The following MBD5 variants were observed in gnomAD, a reference collection of about 807,000 sequenced individuals.
MBD5 encodes the protein methyl-CpG binding domain protein 5, also known as methyl-CpG-binding domain protein 5.
In MBD5, 13 loss-of-function variants were observed where a neutral mutation model predicts 117.3. That is an observed-to-expected ratio of 0.11 (90% CI 0.07 to 0.18). The LOEUF is 0.18. Among genes scored for constraint, MBD5 ranks in the 10% least tolerant of loss-of-function variants. MBD5 has a pLI of 1.00. For missense variants in MBD5, 1,879 were observed against 2,093.8 expected (o/e 0.90, Z 2.00); for synonymous variants, 727 against 766.4 (o/e 0.95, Z 0.85).
At chr2:148,225,531 G>A (rs1406931154) in intron 2 of MBD5, among the ~76,000 whole-genome samples, 1 of 152,026 alleles carries the variant, frequency 6.6e-6, no homozygotes, top group African/African-American at 2.4e-5. Context: ...GTGTTTTCCT[G>A]TGTATTTGCT....
At chr2:148,156,808 T>A (rs1389527560) in intron 1 of MBD5, among the ~76,000 whole-genome samples, 1 of 152,216 alleles carries the variant, frequency 6.6e-6, no homozygotes, top group African/African-American at 2.4e-5. Context: ...ATAGGTCATT[T>A]AAATCACAAG....
intron 4 of MBD5, among the ~76,000 whole-genome samples, chr2:148,432,336 A>G (rs998909894): frequency 1.3e-4 from 20 of 152,104 alleles, no homozygotes; most frequent in African/African-American, 3.9e-4. Context: ...CTCTGTAGGT[A>G]GTTACTTTTG....
At chr2:148,164,608 G>A (rs1698084405) in intron 1 of MBD5, among the ~76,000 whole-genome samples, 1 of 151,932 alleles carries the variant, frequency 6.6e-6, no homozygotes, top group African/African-American at 2.4e-5. Flanking sequence ...TTGTTTTCAT[G>A]TTTTTTTCTA....
At chr2:148,138,092 TAAC>T (rs1697216279) in intron 1 of MBD5, among the ~76,000 whole-genome samples, 1 of 152,280 alleles carries the variant, frequency 6.6e-6, no homozygotes, top group South Asian at 2.1e-4. Flanking sequence ...AAATTTCAGG[TAAC>T]AACAAGGACA....
intron 4 of MBD5, among the ~76,000 whole-genome samples, chr2:148,374,889 T>C (rs974406364): frequency 6.6e-6 from 1 of 152,226 alleles, no homozygotes; most frequent in African/African-American, 2.4e-5. Flanking sequence ...TTTACTCCTA[T>C]GTATGCTTTT....
At chr2:148,106,609 TA>T (rs1243814895) in intron 1 of MBD5, among the ~76,000 whole-genome samples, 5 of 151,950 alleles carry the variant, frequency 3.3e-5, no homozygotes, top group African/African-American at 1.2e-4. Context: ...ATTTTCCTAT[TA>T]TTTTTTACTT....
At chr2:148,257,821 A>T (rs1700627082) in intron 3 of MBD5, among the ~76,000 whole-genome samples, 1 of 152,138 alleles carries the variant, frequency 6.6e-6, no homozygotes, top group Admixed American at 6.5e-5. Flanking sequence ...AGTGATATCG[A>T]TGGAGAAAAA....
intron 11 of MBD5, among the ~76,000 whole-genome samples, chr2:148,497,224 A>C (rs1681729294): frequency 6.6e-6 from 1 of 152,016 alleles, no homozygotes; most frequent in South Asian, 2.1e-4. Context: ...TTATCACTTA[A>C]TTGATTCATT....
At chr2:148,436,253 G>T (rs1706154128) in intron 4 of MBD5, among the ~76,000 whole-genome samples, 1 of 152,100 alleles carries the variant, frequency 6.6e-6, no homozygotes, top group African/African-American at 2.4e-5. Flanking sequence ...GTCTGATCAG[G>T]CTCTTTCTTC....
Position 148,250,509 on chromosome 2 carries a change from G to A in MBD5, c.-680+17114G>A, listed in dbSNP as rs146184696. Among the ~76,000 whole-genome samples, 780 of 152,290 alleles carry A rather than the reference G, an allele frequency of 5.1e-3. 12 individuals carry two copies. Among genetic ancestry groups the A allele is most frequent in the African/African-American group, 0.018 (749 of 41,556 alleles). The stretch of plus-strand genomic sequence containing the variant: ...TGGATTGGCAGAAACAGGTTTAATT[G>A]AAGACAACTAGGGCTTTTCTGCTTT... On this transcript the variant is annotated intron_variant, in intron 3 of 13. Transcript: ENST00000642680.
intron 1 of MBD5, chr2:148,054,677 C>T (rs1023923970): frequency 2.6e-5 from 4 of 152,142 alleles, no homozygotes; most frequent in African/African-American, 9.7e-5. Flanking sequence ...AATTCATTTT[C>T]ATTGTATTTT....
At chr2:148,267,855 T>C (rs1700893107) in intron 3 of MBD5, among the ~76,000 whole-genome samples, 1 of 152,138 alleles carries the variant, frequency 6.6e-6, no homozygotes, top group Admixed American at 6.6e-5. Flanking sequence ...ATTCTAATAA[T>C]ACATCTTCTG....
chr2:148,440,956 G>A (rs943307275), intron 4 of MBD5, among the ~76,000 whole-genome samples: 8 of 152,154 alleles, frequency 5.3e-5, no homozygotes, highest in Non-Finnish European at 1.0e-4. Flanking sequence ...CTTGGAAGGA[G>A]CTGTGAGTAG....
At chr2:148,397,911 T>A (rs1479309990) in intron 4 of MBD5, among the ~76,000 whole-genome samples, 2 of 152,102 alleles carry the variant, frequency 1.3e-5, no homozygotes, top group African/African-American at 4.8e-5. Context: ...TGTTTGGTTT[T>A]TTGTCTTTTG....
intron 1 of MBD5, among the ~76,000 whole-genome samples, chr2:148,043,683 C>G (rs1480419241): frequency 2.0e-5 from 3 of 152,076 alleles, no homozygotes; most frequent in Admixed American, 6.5e-5. Context: ...TGTTGCCTAC[C>G]AATTTCTTAC....
chr2:148,483,261 T>A lies in MBD5; in HGVS notation c.2670T>A (p.Pro890=), dbSNP rs759181374. 1.2e-6 allele frequency: 2 copies of A among 1,614,100 alleles called. No homozygotes were observed. The highest frequency in any genetic ancestry group is 1.7e-6 in the Non-Finnish European group (2 of 1,179,998). Residue 890 remains proline (P), a synonymous_variant, in exon 9 of 14, where the codon CCT becomes CCA. Coordinates refer to ENST00000642680, the MANE Select transcript of MBD5 (RefSeq NM_001378120.1). ...QSQLPIGSDF[P]FVGQEHALHF... is the part of the protein sequence containing the mutation. ...AGCTACCCATTGGGAGTGATTTTCCTTTTGTTGGCCAGGAGCACGCACTTC... is the reference window on the plus strand; with the variant it reads ...AGCTACCCATTGGGAGTGATTTTCCATTTGTTGGCCAGGAGCACGCACTTC...
At chr2:148,259,769 T>C (rs1188090806) in intron 3 of MBD5, among the ~76,000 whole-genome samples, 3 of 152,192 alleles carry the variant, frequency 2.0e-5, no homozygotes, top group Non-Finnish European at 4.4e-5. Context: ...CCTCACGTGG[T>C]GTGGTTGCAT....
rs1332746006 is a variant in MBD5, at chr2:148,489,419, A to G, written c.3787A>G (p.Lys1263Glu). 3 of 1,614,026 alleles carry G rather than the reference A, an allele frequency of 1.9e-6. No individual in the cohort carries two copies. Among genetic ancestry groups the G allele is most frequent in the Non-Finnish European group, 2.5e-6 (3 of 1,180,032 alleles). The stretch of plus-strand genomic sequence containing the variant: ...GCAGGAAGATGCAGCTCTCCTAAAC[A>G]AAAGAATAAGCACTCAGCCTGGGCT... ...RMQEDAALLN[K>E]RISTQPGLTA... The change falls in exon 11 of 14, where the codon AAA becomes GAA. Residue 1263 changes from lysine (K) to glutamate (E), a missense_variant. Physicochemically the swap from Lys to Glu is moderately conservative, Grantham distance 56 (BLOSUM62 1). Transcript: ENST00000642680.
At chr2:148,270,249 T>C (rs1390842863) in intron 3 of MBD5, among the ~76,000 whole-genome samples, 2 of 152,168 alleles carry the variant, frequency 1.3e-5, no homozygotes, top group Non-Finnish European at 2.9e-5. Flanking sequence ...AAGGTATGCA[T>C]GACATTAGCC....
Sources: gnomAD v4.1 joint callset for allele counts (sites outside exome capture counted in the v4.1 genomes callset) on GRCh38, gnomAD v4.1.1 for gene constraint, MANE v1.5 for transcripts, NCBI Gene and HGNC (gene_info 2026-07-23, HGNC 2026-07-21) for gene names.